The following KDELR1 variants were observed in gnomAD, a reference collection of about 807,000 sequenced individuals.
KDELR1 encodes the protein KDEL endoplasmic reticulum protein retention receptor 1, also known as ER lumen protein-retaining receptor 1.
Under a neutral mutation model 25.5 loss-of-function variants are expected in KDELR1, and 16 were observed. The ratio of observed to expected loss-of-function variants is 0.63; its 90% CI spans 0.43 to 0.95. The LOEUF (loss-of-function observed/expected upper bound fraction) is 0.95. Among genes scored for constraint, KDELR1 ranks in the 40% least tolerant of loss-of-function variants. The pLI is 0.00. For missense variants in KDELR1, 159 were observed against 265.2 expected (o/e 0.60, Z 2.78); for synonymous variants, 121 against 115.0 (o/e 1.05, Z -0.33).
Position 48,384,127 on chromosome 19 carries a change from C to T in KDELR1, c.604+103G>A, listed in dbSNP as rs942774894. The T allele has an allele frequency of 7.0e-7, 1 of 1,427,784 alleles. No individual in the cohort carries two copies. Among genetic ancestry groups the T allele is most frequent in the South Asian group, 1.3e-5 (1 of 74,378 alleles). 88.4% of individuals were successfully genotyped at this position (1,427,784 alleles called of 1,614,324 possible). The stretch of plus-strand genomic sequence containing the variant: ...CCCAGAAACCCGGCGAAGAAATGCT[C>T]CCTTCTTTGCATAATACAGGGGTAA... On this transcript the variant is annotated intron_variant, in intron 4 of 4. Coordinates refer to ENST00000330720, the MANE Select transcript of KDELR1 (RefSeq NM_006801.3). This position sits in a 1 kb window ranked among gnomAD's most constrained non-coding sequence, Gnocchi z 4.6.
chr19:48,396,050 G>A (rs1352363901), upstream of KDELR1, among the ~76,000 whole-genome samples: 3 of 152,126 alleles, frequency 2.0e-5, no homozygotes, highest in South Asian at 2.1e-4. Flanking sequence ...TAGCGCTTCC[G>A]TCTGAGGAAG....
Position 48,382,959 on chromosome 19 carries a change from T to C in KDELR1, c.*334A>G, listed in dbSNP as rs956088777. 1 of 299,244 alleles carries C rather than the reference T, an allele frequency of 3.3e-6. No individual in the cohort carries two copies. Among genetic ancestry groups the C allele is most frequent in the Non-Finnish European group, 6.3e-6 (1 of 158,718 alleles). The allele number at this position is 299,244 out of a possible 1,614,324, so 18.5% of individuals were successfully genotyped here. A position where few individuals can be genotyped will look rare whatever the true frequency, so the allele number is the denominator to read the frequency against. ...AGGGGCCTGGGGAAGGGAAAAGATC[T>C]TGGACCCTGCCCCGGCCCATAGGAC... On this transcript the variant is annotated 3_prime_UTR_variant, in exon 5 of 5. Transcript: ENST00000330720.
Position 48,383,242 on chromosome 19 carries a change from C to T in KDELR1, c.*51G>A. The T allele has an allele frequency of 6.5e-7, 1 of 1,541,876 alleles. No individual in the cohort carries two copies. The highest frequency in any genetic ancestry group is 8.8e-7 in the Non-Finnish European group (1 of 1,138,190). On this transcript the variant is annotated 3_prime_UTR_variant, in exon 5 of 5. Transcript: ENST00000330720. ...TGGGAAAGCTCTTCATCTTCTGCCG[C>T]CTTCCTCTGCCTCCCGCTGCTGCCG...
At chr19:48,392,629 T>G (rs1970572486), upstream of KDELR1, among the ~76,000 whole-genome samples, 1 of 152,210 alleles carries the variant, frequency 6.6e-6, no homozygotes, top group African/African-American at 2.4e-5. Flanking sequence ...TTCAGGAATG[T>G]GCACCTCACC....
chr19:48,384,351 G>C lies in KDELR1; in HGVS notation c.483C>G (p.Leu161=), dbSNP rs763472644. The change falls in exon 4 of 5, where the codon CTC becomes CTG. Residue 161 remains leucine, a synonymous_variant. Transcript: ENST00000330720. This position sits in a 1 kb window ranked among gnomAD's most constrained non-coding sequence, Gnocchi z 4.6. The stretch of plus-strand genomic sequence containing the variant: ...AGCGCCAGATCCAGTTGAAGAGATA[G>C]AGCGTGCGGTAAACGCCTAGCGCAA... The part of the protein sequence containing the change: ...YLFALGVYRT[L]YLFNWIWRYH... The C allele has an allele frequency of 6.2e-7, 1 of 1,614,230 alleles. No individual in the cohort carries two copies. The highest frequency in any genetic ancestry group is 8.5e-7 in the Non-Finnish European group (1 of 1,180,050).
chr19:48,383,208 AC>A lies in KDELR1; in HGVS notation c.*84del, dbSNP rs1970470066. The A allele has an allele frequency of 2.3e-5, 33 of 1,423,432 alleles. No individual in the cohort carries two copies. Among genetic ancestry groups the A allele is most frequent in the Non-Finnish European group, 3.1e-5 (32 of 1,031,436 alleles). 88.2% of individuals were successfully genotyped at this position (1,423,432 alleles called of 1,614,324 possible). A position where few individuals can be genotyped will look rare whatever the true frequency, so the allele number is the denominator to read the frequency against. On this transcript the variant is annotated 3_prime_UTR_variant, in exon 5 of 5. Transcript: ENST00000330720. The stretch of plus-strand genomic sequence containing the variant: ...CAAGAGGTGGGTTCTTAAAAAAGTC[AC>A]CCCTGGATGGGAAAGCTCTTCATCT...
chr19:48,386,884 T>A (rs145072496), intron 3 of KDELR1, among the ~76,000 whole-genome samples: 1 of 151,862 alleles, frequency 6.6e-6, no homozygotes, highest in Non-Finnish European at 1.5e-5. Flanking sequence ...CTGGTCAACA[T>A]AGCAAAACCC....
Position 48,391,484 on chromosome 19 carries a change from G to A in KDELR1, c.-126C>T, listed in dbSNP as rs886146741. 7 of 705,984 alleles carry A rather than the reference G, an allele frequency of 9.9e-6. No homozygotes were observed. In the Admixed American group the frequency reaches 1.2e-4, roughly 12 times the overall value. The allele number at this position is 705,984 out of a possible 1,614,324, so 43.7% of individuals were successfully genotyped here. On this transcript the variant is annotated 5_prime_UTR_variant, in exon 1 of 5. Coordinates refer to ENST00000330720, the MANE Select transcript of KDELR1 (RefSeq NM_006801.3). ...GGAAGAGGGACCCTAGGTGCGCTCC[G>A]CTCCGGGGAGGGGACTTTGGGAGGG...
At position 48,383,152 on chromosome 19, in the gene KDELR1, T is replaced by C; in HGVS notation, c.*141A>G. On this transcript the variant is annotated 3_prime_UTR_variant, in exon 5 of 5. Coordinates refer to ENST00000330720, the MANE Select transcript of KDELR1 (RefSeq NM_006801.3). The stretch of plus-strand genomic sequence containing the variant: ...AGACCTGGATCCTCCACTGTCCCCC[T>C]GAAACCCGGCAGGAGGCGGGATGGG... 2 of 882,878 alleles carry C rather than the reference T, an allele frequency of 2.3e-6. No individual in the cohort carries two copies. The highest frequency in any genetic ancestry group is 1.8e-6 in the Non-Finnish European group (1 of 557,714). 54.7% of individuals were successfully genotyped at this position (882,878 alleles called of 1,614,324 possible). A position where few individuals can be genotyped will look rare whatever the true frequency, so the allele number is the denominator to read the frequency against.
At chr19:48,390,737 C>A in intron 1 of KDELR1, 1 of 544,628 alleles carries the variant, frequency 1.8e-6, no homozygotes. Context: ...GAGCAGGGCC[C>A]TTTCCCACGG....
chr19:48,390,770 G>A, intron 1 of KDELR1: 1 of 515,810 alleles, frequency 1.9e-6, no homozygotes, highest in Non-Finnish European at 3.5e-6. Context: ...GGGCAGCCCA[G>A]GCCCCCGAAG....
chr19:48,385,949 C>T (rs780494473), intron 3 of KDELR1, among the ~76,000 whole-genome samples: 3 of 152,112 alleles, frequency 2.0e-5, no homozygotes, highest in Non-Finnish European at 4.4e-5. Flanking sequence ...AGGACCTGCT[C>T]CCAGAATCAT....
upstream of KDELR1, chr19:48,391,583 G>A (rs1970554504): frequency 3.7e-6 from 2 of 546,864 alleles, no homozygotes; most frequent in South Asian, 4.2e-5. Flanking sequence ...AGGAGTCCGG[G>A]AGGAGAGGCT....
upstream of KDELR1, among the ~76,000 whole-genome samples, chr19:48,395,190 C>T (rs965237831): frequency 6.6e-6 from 1 of 151,922 alleles, no homozygotes; most frequent in Admixed American, 6.6e-5. Context: ...TTGGCTCCCT[C>T]TCCCCATCCC....
At chr19:48,390,635 G>A (rs1970540550) in intron 1 of KDELR1, 111 bp from the exon 2 acceptor site, 1 of 801,946 alleles carries the variant, frequency 1.2e-6, no homozygotes, top group Non-Finnish European at 2.0e-6. Context: ...TGGGCTGCAT[G>A]GGCAATAAAC....
upstream of KDELR1, among the ~76,000 whole-genome samples, chr19:48,394,278 ATG>A (rs1970605035): frequency 6.6e-6 from 1 of 151,040 alleles, no homozygotes; most frequent in African/African-American, 2.4e-5. The surrounding 1 kb of genome is among the most constrained non-coding windows in gnomAD (Gnocchi z 5.1). Context: ...GCGTGAGTGT[ATG>A]TGTGTTTCTG....
At chr19:48,390,820 G>A (rs1438560735) in intron 1 of KDELR1, 1 of 447,914 alleles carries the variant, frequency 2.2e-6, no homozygotes, top group East Asian at 4.4e-5. Flanking sequence ...TAGGCCTCAT[G>A]GCTACCCCTG....
chr19:48,389,670 A>G lies in KDELR1; in HGVS notation c.234T>C (p.Ile78=). 2 of 1,614,096 alleles carry G rather than the reference A, an allele frequency of 1.2e-6. No homozygotes were observed. The highest frequency in any genetic ancestry group is 1.7e-6 in the Non-Finnish European group (2 of 1,179,980). ...CGTAAGTAGCTTTGAACTTGCTATA[A>G]ATCAACCAGACCGTGGTGAAGGAGC... is the stretch of plus-strand genomic sequence containing the variant. ...IACSFTTVWL[I]YSKFKATYDG... The change falls in exon 3 of 5, where the codon ATT becomes ATC. Residue 78 remains isoleucine (I), a synonymous_variant. Coordinates refer to ENST00000330720, the MANE Select transcript of KDELR1 (RefSeq NM_006801.3).
intron 1 of KDELR1, 21 bp from the exon 2 acceptor site, chr19:48,390,545 A>AAGAGAG (rs200187800): frequency 4.1e-6 from 5 of 1,218,862 alleles, no homozygotes; most frequent in African/African-American, 1.8e-5. Flanking sequence ...GAGACAGAGA[A>AAGAGAG]AGAGAGAGAG....
Sources: gnomAD v4.1 joint callset for allele counts (sites outside exome capture counted in the v4.1 genomes callset) on GRCh38, gnomAD v4.1.1 for gene constraint, Gnocchi (gnomAD v3.1) non-coding constraint, MANE v1.5 for transcripts, NCBI Gene and HGNC (gene_info 2026-07-23, HGNC 2026-07-21) for gene names.